AKAP7: variants seen among roughly 807,000 people sequenced by gnomAD.
AKAP7 encodes the protein A kinase (PRKA) anchor protein 7.
In AKAP7, 39 loss-of-function variants were observed where a neutral mutation model predicts 39.5. The observed-to-expected ratio is 0.99, with a 90% CI of 0.76 to 1.29. The LOEUF (loss-of-function observed/expected upper bound fraction) is 1.29. Among genes scored for constraint, AKAP7 ranks in the 50% most tolerant of loss-of-function variants. The pLI is 0.00. For synonymous variants in AKAP7, 140 were observed against 139.1 expected (o/e 1.01, Z -0.05); for missense variants, 414 against 407.7 (o/e 1.02, Z -0.13).
upstream of AKAP7, among the ~76,000 whole-genome samples, chr6:131,132,189 T>C (rs184984099): frequency 0.012 from 1,858 of 151,868 alleles, 43 homozygotes; most frequent in African/African-American, 0.043. Context: ...GGCGGGCGCC[T>C]GTGGTCCCAT....
In AKAP7 at chr6:131,281,314, T is replaced by C. The variant is rs1815174068; in HGVS notation, c.851-216T>C. Among the ~76,000 whole-genome samples, 1 of 152,200 alleles carries C rather than the reference T, an allele frequency of 6.6e-6. No individual in the cohort carries two copies. The highest frequency in any genetic ancestry group is 2.4e-5 in the African/African-American group (1 of 41,454). Reference sequence around the variant, plus strand: ...CATTGGTAGGTAGAGCTTGTCTAGATTGGGACTAATGAACTACTTTTCAAT... The same window carrying C: ...CATTGGTAGGTAGAGCTTGTCTAGACTGGGACTAATGAACTACTTTTCAAT... On this transcript the variant is annotated intron_variant, in intron 7 of 7. Transcript: ENST00000431975. The surrounding 1 kb of genome is among the most constrained non-coding windows in gnomAD (Gnocchi z 4.0).
At chr6:131,142,987 T>C (rs780406014) in intron 1 of AKAP7, among the ~76,000 whole-genome samples, 1 of 152,202 alleles carries the variant, frequency 6.6e-6, no homozygotes, top group African/African-American at 2.4e-5. Flanking sequence ...GCCCCTTTCT[T>C]TTGGATTTCT....
At chr6:131,192,304 T>C (rs1481393822) in intron 5 of AKAP7, among the ~76,000 whole-genome samples, 2 of 152,282 alleles carry the variant, frequency 1.3e-5, no homozygotes, top group South Asian at 2.1e-4. Context: ...TTCTTCTGCA[T>C]GTGGATACCC....
At chr6:131,164,461 G>A (rs1209360457) in intron 3 of AKAP7, 5 of 455,604 alleles carry the variant, frequency 1.1e-5, no homozygotes, top group Non-Finnish European at 1.8e-5. Flanking sequence ...TCTCCTGGAT[G>A]CAGATTCTGT....
chr6:131,152,368 A>T (rs1801991381), intron 2 of AKAP7, among the ~76,000 whole-genome samples: 1 of 152,196 alleles, frequency 6.6e-6, no homozygotes, highest in Non-Finnish European at 1.5e-5. Flanking sequence ...TTCATATGAA[A>T]CTAAAAATAA....
chr6:131,143,745 TTTTTTTA>T lies in AKAP7; in HGVS notation c.20-1512_20-1506del, dbSNP rs538956127. 5.7e-3 allele frequency among the ~76,000 whole-genome samples: 812 copies of T among 143,578 alleles called. 2 individuals carry two copies. Among genetic ancestry groups the T allele is most frequent in the Non-Finnish European group, 9.4e-3 (615 of 65,760 alleles). 94.2% of individuals were successfully genotyped at this position (143,578 alleles called of 152,430 possible). A position where few individuals can be genotyped will look rare whatever the true frequency, so the allele number is the denominator to read the frequency against. The stretch of plus-strand genomic sequence containing the variant: ...CCATGTTGTAGCCATATTCTTTTTT[TTTTTTTA>T]TTTTTTATTTTTTATTTTTTATTTT... On this transcript the variant is annotated intron_variant, in intron 1 of 7. Coordinates refer to ENST00000431975, the MANE Select transcript of AKAP7 (RefSeq NM_016377.4).
At chr6:131,145,761 C>T (rs1211276064) in intron 2 of AKAP7, among the ~76,000 whole-genome samples, 1 of 152,008 alleles carries the variant, frequency 6.6e-6, no homozygotes, top group Non-Finnish European at 1.5e-5. Flanking sequence ...GCCATGTTGC[C>T]CAGGCTGGTC....
At position 131,281,423 on chromosome 6, in the gene AKAP7, C is replaced by G; in HGVS notation, c.851-107C>G. The G allele has an allele frequency of 3.5e-6, 3 of 857,224 alleles. No individual in the cohort carries two copies. Among genetic ancestry groups the G allele is most frequent in the Non-Finnish European group, 5.1e-6 (3 of 586,478 alleles). 53.1% of individuals were successfully genotyped at this position (857,224 alleles called of 1,614,324 possible). On this transcript the variant is annotated intron_variant, in intron 7 of 7. Transcript: ENST00000431975. The surrounding 1 kb of genome is among the most constrained non-coding windows in gnomAD (Gnocchi z 4.0). Reference sequence around the variant, plus strand: ...CCCACTGTTCTTGAATTTATAGATCCAATTTACACTTGCTCTTTTTAACCA... The same window carrying G: ...CCCACTGTTCTTGAATTTATAGATCGAATTTACACTTGCTCTTTTTAACCA...
intron 5 of AKAP7, among the ~76,000 whole-genome samples, chr6:131,172,707 C>CA (rs1804191423): frequency 6.6e-6 from 1 of 152,102 alleles, no homozygotes; most frequent in East Asian, 1.9e-4. Flanking sequence ...GCCAGACCAT[C>CA]AAAAAAATTG....
intron 7 of AKAP7, among the ~76,000 whole-genome samples, chr6:131,252,692 G>T (rs1812534315): frequency 6.6e-6 from 1 of 152,220 alleles, no homozygotes; most frequent in African/African-American, 2.4e-5. Flanking sequence ...AGCACAAACT[G>T]TGGGTATCTA....
At chr6:131,271,408 A>G (rs962342504) in intron 7 of AKAP7, among the ~76,000 whole-genome samples, 3 of 151,994 alleles carry the variant, frequency 2.0e-5, no homozygotes, top group Admixed American at 6.6e-5. Flanking sequence ...TTTATTATCT[A>G]TATGTCTATA....
chr6:131,209,787 A>G (rs1216412262), intron 6 of AKAP7, among the ~76,000 whole-genome samples: 1 of 152,210 alleles, frequency 6.6e-6, no homozygotes, highest in Non-Finnish European at 1.5e-5. Context: ...TTCTTAGTCA[A>G]GGACAAAGTG....
At chr6:131,245,336 C>T (rs1811912827) in intron 7 of AKAP7, among the ~76,000 whole-genome samples, 1 of 151,650 alleles carries the variant, frequency 6.6e-6, no homozygotes, top group Admixed American at 6.6e-5. Flanking sequence ...CCGCCACCTC[C>T]CAGGTTCATG....
At position 131,261,690 on chromosome 6, in the gene AKAP7, G is replaced by A. The variant is rs143799271; in HGVS notation, c.851-19840G>A. On this transcript the variant is annotated intron_variant, in intron 7 of 7. Transcript: ENST00000431975. ...ATGGAGAATCAAGTTCATGAAATAC[G>A]CATTTTTTTCTAAAAAACTTCAAGC... Among the ~76,000 whole-genome samples the A allele has an allele frequency of 7.6e-3, 1,163 of 152,154 alleles. 12 individuals carry two copies. The highest frequency in any genetic ancestry group is 9.9e-3 in the Non-Finnish European group (670 of 67,984).
At chr6:131,235,395 A>G (rs1280124853) in intron 7 of AKAP7, among the ~76,000 whole-genome samples, 1 of 152,210 alleles carries the variant, frequency 6.6e-6, no homozygotes, top group Non-Finnish European at 1.5e-5. Flanking sequence ...TTATAGCAGC[A>G]TGTTTTATAA....
Position 131,169,123 on chromosome 6 carries a change from G to A in AKAP7, c.439G>A (p.Ala147Thr). The part of the protein sequence containing the change: ...NEDEVNIGID[A>T]LLELKPFIEE... ...ATTATTTCTTACTAGTGGTATTGAT[G>A]CTCTTTTGGAATTGAAACCATTCAT... The change falls in exon 5 of 8, where the codon GCT (alanine) becomes ACT (threonine). Residue 147 changes from alanine to threonine, a missense_variant. By Grantham distance (58) the Ala-to-Thr change is moderately conservative. Transcript: ENST00000431975. 1.9e-6 allele frequency: 3 copies of A among 1,609,970 alleles called. No homozygotes were observed. The highest frequency in any genetic ancestry group is 2.5e-6 in the Non-Finnish European group (3 of 1,176,714).
At chr6:131,167,480 G>A (rs1803619827) in intron 4 of AKAP7, among the ~76,000 whole-genome samples, 1 of 152,072 alleles carries the variant, frequency 6.6e-6, no homozygotes, top group Non-Finnish European at 1.5e-5. Flanking sequence ...ACTTATAAAT[G>A]AGCCAGGAAT....
chr6:131,266,705 G>A (rs746908), intron 7 of AKAP7, among the ~76,000 whole-genome samples: 3 of 126,380 alleles, frequency 2.4e-5, no homozygotes, highest in East Asian at 6.6e-4. Context: ...TGTTGTTGTT[G>A]TTGTTTTTTA....
intron 6 of AKAP7, among the ~76,000 whole-genome samples, chr6:131,202,371 C>T (rs1027409212): frequency 2.8e-5 from 4 of 144,746 alleles, no homozygotes; most frequent in East Asian, 2.0e-4. Context: ...AAATGTCCAA[C>T]AATGATAGAC....
Sources: allele counts gnomAD v4.1 joint callset (sites outside exome capture counted in the v4.1 genomes callset), GRCh38; gene constraint gnomAD v4.1.1; non-coding constraint Gnocchi (gnomAD v3.1); transcripts MANE v1.5; gene names NCBI Gene and HGNC (gene_info 2026-07-23, HGNC 2026-07-21).